The following FAT4 variants were observed in gnomAD, a reference collection of about 807,000 sequenced individuals.
FAT4 encodes protocadherin Fat 4.
FAT4 carries 84 observed loss-of-function variants against 303.9 expected under a neutral mutation model. That is an observed-to-expected ratio of 0.28 (90% CI 0.23 to 0.33). The LOEUF (loss-of-function observed/expected upper bound fraction) is 0.33, where lower values mean the gene tolerates loss of function less well. Among genes scored for constraint, FAT4 ranks in the 10% least tolerant of loss-of-function variants. The pLI is 1.00. For missense variants in FAT4, 6,005 were observed against 6,146.8 expected, an observed-to-expected ratio of 0.98 and a Z score of 0.77; for synonymous variants, 2,307 against 2,298.8, an observed-to-expected ratio of 1.00 and a Z score of -0.10.
chr4:125,395,139 A>T (rs147201553), intron 2 of FAT4, among the ~76,000 whole-genome samples: 1 of 152,240 alleles, frequency 6.6e-6, no homozygotes, highest in East Asian at 1.9e-4. Flanking sequence ...TAATGAGTTC[A>T]GATCTTCTCT....
chr4:125,389,038 A>G (rs533920973), intron 2 of FAT4, among the ~76,000 whole-genome samples: 2 of 152,332 alleles, frequency 1.3e-5, no homozygotes, highest in Non-Finnish European at 2.9e-5. Flanking sequence ...ACAGTTATAT[A>G]CATGTAGCTT....
intron 2 of FAT4, among the ~76,000 whole-genome samples, chr4:125,393,039 A>G (rs1013262552): frequency 6.6e-6 from 1 of 152,224 alleles, no homozygotes; most frequent in Non-Finnish European, 1.5e-5. Flanking sequence ...TAACATTCCT[A>G]CAAAAAGTAT....
intron 3 of FAT4, among the ~76,000 whole-genome samples, chr4:125,402,304 T>A (rs1029398106): frequency 9.2e-5 from 14 of 152,074 alleles, no homozygotes; most frequent in African/African-American, 2.4e-4. Context: ...TACTTACTAT[T>A]TTCATGGGTC....
Position 125,452,209 on chromosome 4 carries a change from T to G in FAT4, c.11199T>G (p.Leu3733=), listed in dbSNP as rs543237881. 1 of 1,614,232 alleles carries G rather than the reference T, an allele frequency of 6.2e-7. No homozygotes were observed. Among genetic ancestry groups the G allele is most frequent in the African/African-American group, 1.3e-5 (1 of 75,070 alleles). ...TVKDFLTNHY[L]HFLRIASSQL... is the part of the protein sequence containing the mutation. Reference sequence around the variant, plus strand: ...AGGACTTCTTGACCAACCACTATCTTCATTTTTTACGCATTGCCAGCTCAC... The same window carrying G: ...AGGACTTCTTGACCAACCACTATCTGCATTTTTTACGCATTGCCAGCTCAC... Residue 3733 remains leucine, a synonymous_variant, in exon 10 of 18, where the codon CTT becomes CTG. Transcript: ENST00000394329.
chr4:125,491,447 A>G lies in FAT4; in HGVS notation c.14631A>G (p.Glu4877=), dbSNP rs1411245796. Residue 4877 remains glutamate (E), a synonymous_variant, in exon 18 of 18, where the codon GAA becomes GAG. Transcript: ENST00000394329. Reference sequence around the variant, plus strand: ...TGCCCAAATTATCTCAAGTCAATGAATCTGATGCAGATGATGAAGATAATT... The same window carrying G: ...TGCCCAAATTATCTCAAGTCAATGAGTCTGATGCAGATGATGAAGATAATT... ...SRMPKLSQVN[E]SDADDEDNYG... is the part of the protein sequence containing the mutation. 5.0e-6 allele frequency: 8 copies of G among 1,614,098 alleles called. No individual in the cohort carries two copies. The highest frequency in any genetic ancestry group is 1.3e-5 in the African/African-American group (1 of 74,942).
At chr4:125,430,868 T>A (rs1201485101) in intron 7 of FAT4, among the ~76,000 whole-genome samples, 1 of 152,206 alleles carries the variant, frequency 6.6e-6, no homozygotes, top group Non-Finnish European at 1.5e-5. Flanking sequence ...CAAATGATCC[T>A]CAAGCCAGAA....
At position 125,449,968 on chromosome 4, in the gene FAT4, T is replaced by A; in HGVS notation, c.8958T>A (p.Leu2986=). ...VDSNDNAPQF[L]KSKYFTPVTK... is the part of the protein sequence containing the mutation. ...GTAATGACAATGCACCTCAATTTCTTAAAAGTAAATATTTCACTCCAGTCA... is the reference window on the plus strand; with the variant it reads ...GTAATGACAATGCACCTCAATTTCTAAAAAGTAAATATTTCACTCCAGTCA... The change falls in exon 10 of 18, where the codon CTT becomes CTA. Residue 2986 remains leucine, a synonymous_variant. Transcript: ENST00000394329. The A allele has an allele frequency of 6.2e-7, 1 of 1,613,788 alleles. No homozygotes were observed. The highest frequency in any genetic ancestry group is 8.5e-7 in the Non-Finnish European group (1 of 1,179,868).
In FAT4 at chr4:125,398,832, A is replaced by G. The variant is rs923834665; in HGVS notation, c.5224A>G (p.Thr1742Ala). The change falls in exon 3 of 18, where the codon ACG (threonine) becomes GCG (alanine). Residue 1742 changes from threonine to alanine, a missense_variant. Coordinates refer to ENST00000394329, the MANE Select transcript of FAT4 (RefSeq NM_001291303.3). The stretch of plus-strand genomic sequence containing the variant: ...CAATGACAATCCACCAGTATTTCCA[A>G]CGGACATGCTGGATCTCACGGTAGA... ...DINDNPPVFP[T>A]DMLDLTVEEN... is the part of the protein sequence containing the mutation. The G allele has an allele frequency of 1.2e-6, 2 of 1,612,872 alleles. No homozygotes were observed. Among genetic ancestry groups the G allele is most frequent in the Non-Finnish European group, 1.7e-6 (2 of 1,178,996 alleles).
chr4:125,450,556 G>A lies in FAT4; in HGVS notation c.9546G>A (p.Val3182=). Residue 3182 remains valine, a synonymous_variant, in exon 10 of 18, where the codon GTG becomes GTA. Transcript: ENST00000394329. ...TTGCAAGAACTGGTTACTGCAGTGT[G>A]ACCGTAAATGTGATTGATGTGAATG... The part of the protein sequence containing the change: ...GWVARTGYCS[V]TVNVIDVNDN... 1 of 1,614,112 alleles carries A rather than the reference G, an allele frequency of 6.2e-7. No individual in the cohort carries two copies. The highest frequency in any genetic ancestry group is 8.5e-7 in the Non-Finnish European group (1 of 1,180,002).
chr4:125,397,022 C>T (rs1257145275), intron 2 of FAT4, among the ~76,000 whole-genome samples: 3 of 150,292 alleles, frequency 2.0e-5, no homozygotes, highest in Non-Finnish European at 3.0e-5. Context: ...ACTCAGTGTA[C>T]ATTCAGTATG....
rs530196684 is a variant in FAT4, at chr4:125,444,847, A to C, written c.7200-1446A>C. 4.6e-5 allele frequency among the ~76,000 whole-genome samples: 7 copies of C among 152,268 alleles called. 1 individual carries two copies. The South Asian group carries it at 8.3e-4, about 18-fold the overall frequency. On this transcript the variant is annotated intron_variant, in intron 8 of 17. Coordinates refer to ENST00000394329, the MANE Select transcript of FAT4 (RefSeq NM_001291303.3). ...CCACTGACAGCAACAAGGTTCCAAA[A>C]ATAAAATTACACAATTCTCAAATCC... is the stretch of plus-strand genomic sequence containing the variant.
chr4:125,451,421 G>A lies in FAT4; in HGVS notation c.10411G>A (p.Asp3471Asn). Residue 3471 changes from aspartate to asparagine, a missense_variant, in exon 10 of 18, where the codon GAT (aspartate) becomes AAT (asparagine). Transcript: ENST00000394329. Reference sequence around the variant, plus strand: ...ACAGATCACCGTTACTGCAGAATTAGATCGAGAAACCCTTCCCATCTATAA... The same window carrying A: ...ACAGATCACCGTTACTGCAGAATTAAATCGAGAAACCCTTCCCATCTATAA... ...TGQITVTAEL[D>N]RETLPIYNLS... 1.2e-6 allele frequency: 2 copies of A among 1,614,150 alleles called. No homozygotes were observed. Among genetic ancestry groups the A allele is most frequent in the Non-Finnish European group, 1.7e-6 (2 of 1,180,018 alleles).
At chr4:125,416,688 G>A (rs1342813045) in intron 7 of FAT4, 66 bp downstream of exon 7, 12 of 1,538,250 alleles carry the variant, frequency 7.8e-6, no homozygotes, top group East Asian at 2.3e-5. Flanking sequence ...GCTCATGCCT[G>A]TAACCCCAGC....
Position 125,446,373 on chromosome 4 carries a change from G to A in FAT4, c.7280G>A (p.Arg2427Lys), listed in dbSNP as rs1463847765. 1 of 1,613,408 alleles carries A rather than the reference G, an allele frequency of 6.2e-7. No homozygotes were observed. The highest frequency in any genetic ancestry group is 8.5e-7 in the Non-Finnish European group (1 of 1,179,458). ...GQIITSALLD[R>K]ETKDNYTLVV... Reference sequence around the variant, plus strand: ...ATCATCACCAGCGCATTGTTAGATAGGGAAACAAAAGATAATTATACTTTG... The same window carrying A: ...ATCATCACCAGCGCATTGTTAGATAAGGAAACAAAAGATAATTATACTTTG... Residue 2427 changes from arginine to lysine, a missense_variant, in exon 9 of 18, where the codon AGG (arginine) becomes AAG (lysine). Coordinates refer to ENST00000394329, the MANE Select transcript of FAT4 (RefSeq NM_001291303.3).
intron 7 of FAT4, among the ~76,000 whole-genome samples, chr4:125,417,607 C>A (rs1735125716): frequency 1.3e-5 from 2 of 152,066 alleles, no homozygotes; most frequent in Non-Finnish European, 2.9e-5. Flanking sequence ...GGAGGGTGAG[C>A]AATCAGATTA....
At chr4:125,404,305 A>G (rs1037569773) in intron 3 of FAT4, among the ~76,000 whole-genome samples, 1 of 152,174 alleles carries the variant, frequency 6.6e-6, no homozygotes, top group Non-Finnish European at 1.5e-5. Context: ...ACACTAGTCC[A>G]TACTGCAATA....
intron 2 of FAT4, among the ~76,000 whole-genome samples, chr4:125,353,489 T>A (rs193126770): frequency 6.6e-6 from 1 of 151,802 alleles, no homozygotes; most frequent in East Asian, 1.9e-4. Flanking sequence ...TTAAAGTAAG[T>A]CCTTTTCATA....
At chr4:125,395,584 G>T (rs981323648) in intron 2 of FAT4, among the ~76,000 whole-genome samples, 3 of 152,106 alleles carry the variant, frequency 2.0e-5, no homozygotes, top group Non-Finnish European at 4.4e-5. Context: ...CTCCCAAAGC[G>T]TTGGGATTAC....
At chr4:125,409,090 CTT>C (rs761790729) in intron 5 of FAT4, among the ~76,000 whole-genome samples, 4 of 151,388 alleles carry the variant, frequency 2.6e-5, no homozygotes, top group Admixed American at 6.6e-5. Flanking sequence ...CATAAGACCA[CTT>C]TTTTTTGTAT....
Sources: gnomAD v4.1 joint callset for allele counts (sites outside exome capture counted in the v4.1 genomes callset) on GRCh38, gnomAD v4.1.1 for gene constraint, MANE v1.5 for transcripts, NCBI Gene and HGNC (gene_info 2026-07-23, HGNC 2026-07-21) for gene names.